Variants in HNF4G observed in about 807,000 individuals in gnomAD.
HNF4G encodes the protein hepatocyte nuclear factor 4-gamma.
HNF4G carries 21 observed loss-of-function variants against 50.9 expected under a neutral mutation model. That is an observed-to-expected ratio of 0.41 (90% CI 0.29 to 0.59). The LOEUF is 0.59. Ranked by LOEUF, HNF4G falls within the 20% of genes least tolerant of loss-of-function variation. The pLI is 0.26. For missense variants in HNF4G, 527 were observed against 559.4 expected, an observed-to-expected ratio of 0.94 and a Z score of 0.58; for synonymous variants, 198 against 185.6, an observed-to-expected ratio of 1.07 and a Z score of -0.54.
At chr8:75,423,815 CTTTTTTTT>C (rs548125507) in intron 1 of HNF4G, among the ~76,000 whole-genome samples, 9 of 71,212 alleles carry the variant, frequency 1.3e-4, no homozygotes, top group Admixed American at 2.3e-4. Flanking sequence ...AAGTTTCTTT[CTTTTTTTT>C]TTTTTTTTTT....
intron 1 of HNF4G, among the ~76,000 whole-genome samples, chr8:75,443,500 C>G (rs1248844515): frequency 6.6e-6 from 1 of 152,078 alleles, no homozygotes; most frequent in Non-Finnish European, 1.5e-5. Flanking sequence ...ATGAAGAATT[C>G]TATAAAATTT....
intron 1 of HNF4G, among the ~76,000 whole-genome samples, chr8:75,459,862 A>G: frequency 6.6e-6 from 1 of 151,832 alleles, no homozygotes; most frequent in African/African-American, 2.4e-5. Flanking sequence ...CAAGTTACAT[A>G]GTTGTGTCTT....
chr8:75,416,202 T>C (rs1585822602), intron 1 of HNF4G, among the ~76,000 whole-genome samples: 1 of 152,214 alleles, frequency 6.6e-6, no homozygotes, highest in East Asian at 1.9e-4. Flanking sequence ...GAACTTACTT[T>C]TTCAAACACA....
At chr8:75,436,830 G>A (rs917558743) in intron 1 of HNF4G, among the ~76,000 whole-genome samples, 11 of 43,086 alleles carry the variant, frequency 2.6e-4, no homozygotes, top group South Asian at 4.6e-4. Context: ...GATCACTTGA[G>A]GCCAGGAGTT....
rs1201979920 is a variant in HNF4G at position 75,565,452 on chromosome 8, C to G, written c.*1356C>G. ...AGTAAAATGACTGGCTTAGCAGATTCTTTGAAATGTAGCAGCCCAGGGATG... is the reference window on the plus strand; with the variant it reads ...AGTAAAATGACTGGCTTAGCAGATTGTTTGAAATGTAGCAGCCCAGGGATG... On this transcript the variant is annotated 3_prime_UTR_variant, in exon 10 of 10. Transcript: ENST00000396423. The G allele has an allele frequency of 6.6e-6, 1 of 152,128 alleles. No individual in the cohort carries two copies. Among genetic ancestry groups the G allele is most frequent in the African/African-American group, 2.4e-5 (1 of 41,452 alleles). 9.4% of individuals were successfully genotyped at this position (152,128 alleles called of 1,614,324 possible).
At chr8:75,449,674 T>C (rs1018601083) in intron 1 of HNF4G, among the ~76,000 whole-genome samples, 2 of 151,416 alleles carry the variant, frequency 1.3e-5, no homozygotes, top group East Asian at 2.0e-4. Flanking sequence ...GCCAGGCTAA[T>C]TTTTTTGTAT....
chr8:75,407,939 G>C (rs879520325), upstream of HNF4G: 3 of 151,962 alleles, frequency 2.0e-5, no homozygotes, highest in African/African-American at 4.8e-5. Flanking sequence ...ACTGCGACTC[G>C]GGAGCTCCGG....
intron 2 of HNF4G, among the ~76,000 whole-genome samples, chr8:75,510,813 GTA>G (rs999805034): frequency 4.6e-5 from 7 of 151,616 alleles, no homozygotes; most frequent in African/African-American, 9.7e-5. Flanking sequence ...TCCTGTGTGT[GTA>G]TATATATATG....
chr8:75,559,277 GTT>G (rs112670281), intron 8 of HNF4G, among the ~76,000 whole-genome samples: 5 of 42,768 alleles, frequency 1.2e-4, no homozygotes, highest in African/African-American at 2.5e-4. Context: ...TTTTTTGTTT[GTT>G]TTTTTTTTTT....
At chr8:75,408,172 C>T (rs979028077) in intron 1 of HNF4G, 6 of 153,104 alleles carry the variant, frequency 3.9e-5, no homozygotes, top group Admixed American at 2.0e-4. Flanking sequence ...GGTGCGGCAG[C>T]GGGCAGTGGG....
At chr8:75,521,895 T>C (rs1355363885) in intron 2 of HNF4G, among the ~76,000 whole-genome samples, 1 of 152,204 alleles carries the variant, frequency 6.6e-6, no homozygotes, top group African/African-American at 2.4e-5. Context: ...GTCCTTGCCT[T>C]ACAATGGCCC....
At chr8:75,426,397 C>T (rs1810891210) in intron 1 of HNF4G, among the ~76,000 whole-genome samples, 1 of 152,150 alleles carries the variant, frequency 6.6e-6, no homozygotes, top group South Asian at 2.1e-4. Flanking sequence ...TTAAGCTATT[C>T]TTATAAATTA....
chr8:75,538,920 C>T (rs899042812), upstream of HNF4G, among the ~76,000 whole-genome samples: 5 of 152,120 alleles, frequency 3.3e-5, no homozygotes, highest in Non-Finnish European at 7.4e-5. Flanking sequence ...TACTTTTCTG[C>T]AATCTTTAAC....
rs1389143130 is a variant in HNF4G at position 75,565,909 on chromosome 8, G to GT, written c.*1819dup. ...CTGTAAAATATATCATATGGGGGGA[G>GT]TTTTTTAACTCTTATTTTTTGAAAA... On this transcript the variant is annotated 3_prime_UTR_variant, in exon 10 of 10. Coordinates refer to ENST00000396423, the MANE Select transcript of HNF4G (RefSeq NM_004133.5). 2 of 152,028 alleles carry GT rather than the reference G, an allele frequency of 1.3e-5. No homozygotes were observed. Among genetic ancestry groups the GT allele is most frequent in the East Asian group, 3.9e-4 (2 of 5,182 alleles). The allele number at this position is 152,028 out of a possible 1,614,324, so 9.4% of individuals were successfully genotyped here. A position where few individuals can be genotyped will look rare whatever the true frequency, so the allele number is the denominator to read the frequency against.
At chr8:75,451,544 T>G (rs961442876) in intron 1 of HNF4G, among the ~76,000 whole-genome samples, 1 of 152,168 alleles carries the variant, frequency 6.6e-6, no homozygotes, top group African/African-American at 2.4e-5. Context: ...AGGTTAAGTT[T>G]CATTCTTCTG....
chr8:75,507,290 C>T (rs146373732), intron 2 of HNF4G, among the ~76,000 whole-genome samples: 33 of 145,806 alleles, frequency 2.3e-4, no homozygotes, highest in African/African-American at 8.1e-4. Flanking sequence ...GATGGAGTCT[C>T]GCTCTCTCGC....
intron 1 of HNF4G, among the ~76,000 whole-genome samples, chr8:75,462,759 A>T (rs1811884878): frequency 6.6e-6 from 1 of 152,186 alleles, no homozygotes; most frequent in Admixed American, 6.5e-5. Flanking sequence ...ATCATTTACT[A>T]ACTGTATAAC....
intron 1 of HNF4G, among the ~76,000 whole-genome samples, chr8:75,482,749 C>A (rs994936229): frequency 2.0e-5 from 3 of 152,102 alleles, no homozygotes; most frequent in Non-Finnish European, 4.4e-5. Flanking sequence ...AGTTTATATT[C>A]TTTTAAATAC....
In HNF4G at chr8:75,558,884, C is replaced by G. The variant is rs759216473; in HGVS notation, c.970C>G (p.Arg324Gly). Residue 324 changes from arginine (R) to glycine (G), a missense_variant, in exon 8 of 10, where the codon CGG (arginine) becomes GGG (glycine). Coordinates refer to ENST00000396423, the MANE Select transcript of HNF4G (RefSeq NM_004133.5). ...CGGTTTGGAGGACTACATCAATGAT[C>G]GGCAGTATGACTCCCGGGGGAGGTT... is the stretch of plus-strand genomic sequence containing the variant. Reference protein sequence around the residue: ...QIGLEDYINDRQYDSRGRFGE... With the variant: ...QIGLEDYINDGQYDSRGRFGE... 6.2e-7 allele frequency: 1 copy of G among 1,613,830 alleles called. No individual in the cohort carries two copies. The highest frequency in any genetic ancestry group is 8.5e-7 in the Non-Finnish European group (1 of 1,179,932).
Sources: allele counts gnomAD v4.1 joint callset (sites outside exome capture counted in the v4.1 genomes callset), GRCh38; gene constraint gnomAD v4.1.1; transcripts MANE v1.5; gene names NCBI Gene and HGNC (gene_info 2026-07-23, HGNC 2026-07-21).